CALD1: variants seen among roughly 807,000 people sequenced by gnomAD.
CALD1 encodes the protein caldesmon.
A neutral mutation model predicts 99.9 loss-of-function variants in CALD1; 33 were observed. The ratio of observed to expected loss-of-function variants is 0.33; its 90% CI spans 0.25 to 0.44. The LOEUF (loss-of-function observed/expected upper bound fraction) is 0.44. Ranked by LOEUF, CALD1 falls within the 20% of genes least tolerant of loss-of-function variation. The pLI is 1.00. For synonymous variants in CALD1, 310 were observed against 325.0 expected (o/e 0.95, Z 0.50); for missense variants, 861 against 962.1 (o/e 0.89, Z 1.39).
At chr7:134,878,627 G>T (rs957890121) in intron 3 of CALD1, among the ~76,000 whole-genome samples, 2 of 152,026 alleles carry the variant, frequency 1.3e-5, no homozygotes, top group African/African-American at 2.4e-5. Context: ...AAAGCTGCAA[G>T]AAGTATACAG....
chr7:134,763,628 A>G (rs190274775), intron 1 of CALD1, among the ~76,000 whole-genome samples: 120 of 152,154 alleles, frequency 7.9e-4, no homozygotes, highest in African/African-American at 2.7e-3. Flanking sequence ...CTCAGAATAT[A>G]TTTCCCACTA....
At chr7:134,884,693 G>A (rs1030350789) in intron 3 of CALD1, among the ~76,000 whole-genome samples, 1 of 150,770 alleles carries the variant, frequency 6.6e-6, no homozygotes, top group Non-Finnish European at 1.5e-5. Context: ...ACTGACCTTG[G>A]TGCAGCGTCT....
intron 3 of CALD1, among the ~76,000 whole-genome samples, chr7:134,873,416 T>C (rs1389427757): frequency 2.0e-5 from 3 of 152,212 alleles, no homozygotes; most frequent in Non-Finnish European, 2.9e-5. Context: ...CTCTGAATTA[T>C]GTGTGGATGT....
At chr7:134,862,725 T>C (rs1800616232) in intron 2 of CALD1, among the ~76,000 whole-genome samples, 1 of 152,208 alleles carries the variant, frequency 6.6e-6, no homozygotes, top group African/African-American at 2.4e-5. Flanking sequence ...CTATGAACTT[T>C]AGTTAATCAT....
At chr7:134,833,019 G>A (rs1283541941) in intron 1 of CALD1, among the ~76,000 whole-genome samples, 1 of 152,212 alleles carries the variant, frequency 6.6e-6, no homozygotes, top group African/African-American at 2.4e-5. Flanking sequence ...GAAGCTGCAA[G>A]ACGTGTTTTA....
intron 9 of CALD1, among the ~76,000 whole-genome samples, chr7:134,953,623 T>C (rs78958063): frequency 5.4e-5 from 8 of 149,190 alleles, no homozygotes; most frequent in Non-Finnish European, 7.4e-5. Context: ...ATGAAGAAAA[T>C]AGTAGTCATC....
intron 1 of CALD1, among the ~76,000 whole-genome samples, chr7:134,765,313 C>T (rs1344197574): frequency 3.6e-5 from 5 of 137,478 alleles, no homozygotes; most frequent in East Asian, 4.1e-4. Context: ...GACTCCGTCT[C>T]GGAAAAAAAA....
At chr7:134,843,288 G>A (rs1336708055) in intron 1 of CALD1, among the ~76,000 whole-genome samples, 1 of 152,200 alleles carries the variant, frequency 6.6e-6, no homozygotes, top group Non-Finnish European at 1.5e-5. Flanking sequence ...TTGAAGTTGC[G>A]AGGTAACTGA....
At chr7:134,908,560 G>A (rs1803569293) in intron 3 of CALD1, among the ~76,000 whole-genome samples, 1 of 152,154 alleles carries the variant, frequency 6.6e-6, no homozygotes, top group African/African-American at 2.4e-5. Flanking sequence ...CTGCAGGCTG[G>A]AATCATTTGG....
At position 134,932,997 on chromosome 7, in the gene CALD1, C is replaced by A. The variant is rs375796865; in HGVS notation, c.228C>A (p.Asp76Glu). Reference sequence around the variant, plus strand: ...TCTTTCTGTTGTACAGTGTGCCTGACGAGGAGGCCAAGACAACCACCACAA... The same window carrying A: ...TCTTTCTGTTGTACAGTGTGCCTGAAGAGGAGGCCAAGACAACCACCACAA... ...VEVNAQNSVP[D>E]EEAKTTTTNT... is the part of the protein sequence containing the mutation. Residue 76 changes from aspartate to glutamate, a missense_variant, in exon 5 of 15, where the codon GAC (aspartate) becomes GAA (glutamate). This residue lies in a region of CALD1 where 123 missense variants were observed against 169.8 expected (regional missense o/e 0.72). Transcript: ENST00000361675. 5.0e-6 allele frequency: 8 copies of A among 1,604,954 alleles called. 1 individual carries two copies. The highest frequency in any genetic ancestry group is 2.2e-5 in the East Asian group (1 of 44,780).
chr7:134,777,233 A>G (rs1796925464), upstream of CALD1, among the ~76,000 whole-genome samples: 1 of 152,160 alleles, frequency 6.6e-6, no homozygotes. Context: ...TTTCAATATC[A>G]TGGTACACAC....
intron 1 of CALD1, among the ~76,000 whole-genome samples, chr7:134,811,853 A>G (rs1032877731): frequency 8.5e-5 from 13 of 152,190 alleles, no homozygotes; most frequent in African/African-American, 3.1e-4. Flanking sequence ...AAGGGTCAAA[A>G]CATTAAGAAT....
intron 1 of CALD1, among the ~76,000 whole-genome samples, chr7:134,827,568 C>T (rs546266501): frequency 6.6e-6 from 1 of 152,178 alleles, no homozygotes; most frequent in Non-Finnish European, 1.5e-5. Flanking sequence ...AGAATTCAAA[C>T]CCAGATCTGC....
intron 2 of CALD1, among the ~76,000 whole-genome samples, chr7:134,850,304 T>C (rs1192015608): frequency 1.3e-5 from 2 of 152,214 alleles, no homozygotes; most frequent in Non-Finnish European, 2.9e-5. Context: ...AGGTCCTTGC[T>C]ACAGTCTACT....
chr7:134,736,627 T>C, the CALD1 span, among the ~76,000 whole-genome samples: 1 of 152,228 alleles, frequency 6.6e-6, no homozygotes, highest in Non-Finnish European at 1.5e-5. Flanking sequence ...TGGCTAATAG[T>C]AACTGTCAAG....
intron 3 of CALD1, chr7:134,891,583 G>C (rs781427024): frequency 3.1e-6 from 5 of 1,593,560 alleles, no homozygotes; most frequent in East Asian, 2.3e-5. Context: ...CCAGGTCTCC[G>C]TATCTCTCTG....
upstream of CALD1, among the ~76,000 whole-genome samples, chr7:134,778,241 A>G (rs1796963098): frequency 6.6e-6 from 1 of 152,220 alleles, no homozygotes; most frequent in African/African-American, 2.4e-5. Flanking sequence ...TAATGCTGGA[A>G]GGCTGAAGAA....
At chr7:134,948,518 G>A (rs1310601462) in intron 8 of CALD1, among the ~76,000 whole-genome samples, 3 of 152,048 alleles carry the variant, frequency 2.0e-5, no homozygotes, top group Admixed American at 6.6e-5. Context: ...GAGGTACATC[G>A]TTCTCATTTT....
intron 1 of CALD1, among the ~76,000 whole-genome samples, chr7:134,788,049 A>T (rs1797375644): frequency 6.6e-6 from 1 of 152,192 alleles, no homozygotes; most frequent in African/African-American, 2.4e-5. Flanking sequence ...CCCCAAACTC[A>T]TACTGGCTCC....
Sources: gnomAD v4.1 joint callset for allele counts (sites outside exome capture counted in the v4.1 genomes callset) on GRCh38, gnomAD v4.1.1 for gene constraint, gnomAD v4.1.1 regional missense constraint, MANE v1.5 for transcripts, NCBI Gene and HGNC (gene_info 2026-07-23, HGNC 2026-07-21) for gene names.